The following DENND1A variants were observed in gnomAD, a reference collection of about 807,000 sequenced individuals.
The protein encoded by DENND1A is DENN domain containing 1A.
A neutral mutation model predicts 113.7 loss-of-function variants in DENND1A; 51 were observed. The observed-to-expected ratio is 0.45, with a 90% CI of 0.36 to 0.57. The LOEUF is 0.57. Among genes scored for constraint, DENND1A ranks in the 20% least tolerant of loss-of-function variants. The pLI is 0.00. For synonymous variants in DENND1A, 565 were observed against 570.8 expected (o/e 0.99, Z 0.14); for missense variants, 1,258 against 1,395.9 (o/e 0.90, Z 1.57).
At position 123,457,226 on chromosome 9, in the gene DENND1A, G is replaced by C. The variant is rs1228334755; in HGVS notation, c.1186+122C>G. 9.2e-6 allele frequency: 7 copies of C among 763,686 alleles called. No homozygotes were observed. In the East Asian group the frequency reaches 1.2e-4, roughly 14 times the overall value. The allele number at this position is 763,686 out of a possible 1,614,324, so 47.3% of individuals were successfully genotyped here. A position where few individuals can be genotyped will look rare whatever the true frequency, so the allele number is the denominator to read the frequency against. On this transcript the variant is annotated intron_variant, in intron 15 of 23. Transcript: ENST00000394215. ...AATTCTTCAAACATTTCAAGGCCAA[G>C]CTTGAAAGCAGTCTCTTCCTAAGCC... is the stretch of plus-strand genomic sequence containing the variant.
chr9:123,863,098 T>C (rs1845289125), intron 2 of DENND1A, among the ~76,000 whole-genome samples: 1 of 152,240 alleles, frequency 6.6e-6, no homozygotes, highest in African/African-American at 2.4e-5. Flanking sequence ...GAGACAATTC[T>C]GGCCAATGGC....
intron 3 of DENND1A, among the ~76,000 whole-genome samples, chr9:123,788,400 TGA>T (rs879285449): frequency 6.6e-6 from 1 of 152,164 alleles, no homozygotes; most frequent in Non-Finnish European, 1.5e-5. Flanking sequence ...GGGATTTTGA[TGA>T]GAGTGGTGAC....
intron 13 of DENND1A, among the ~76,000 whole-genome samples, chr9:123,555,522 CT>C (rs1188693679): frequency 2.0e-5 from 3 of 152,212 alleles, no homozygotes; most frequent in African/African-American, 7.2e-5. Flanking sequence ...GGAAGGGATG[CT>C]CCCTTCTTTC....
At chr9:123,629,792 C>T (rs1218120843) in intron 10 of DENND1A, among the ~76,000 whole-genome samples, 1 of 152,210 alleles carries the variant, frequency 6.6e-6, no homozygotes, top group Non-Finnish European at 1.5e-5. Context: ...TGTGCCAGGG[C>T]ATGGCTGAAA....
intron 3 of DENND1A, among the ~76,000 whole-genome samples, chr9:123,774,529 T>C (rs1356314459): frequency 6.6e-6 from 1 of 152,116 alleles, no homozygotes; most frequent in Non-Finnish European, 1.5e-5. Flanking sequence ...CTAAGATCCA[T>C]AGTATAATTA....
intron 3 of DENND1A, among the ~76,000 whole-genome samples, chr9:123,782,683 A>G (rs1831508635): frequency 1.3e-5 from 2 of 152,330 alleles, no homozygotes; most frequent in South Asian, 4.1e-4. Flanking sequence ...TGGCATTTGA[A>G]CTAACTTTTG....
intron 2 of DENND1A, among the ~76,000 whole-genome samples, chr9:123,871,645 C>G (rs1846628649): frequency 6.6e-6 from 1 of 152,134 alleles, no homozygotes; most frequent in African/African-American, 2.4e-5. Flanking sequence ...TGCTGCTTAA[C>G]ACCCACGTAT....
intron 2 of DENND1A, among the ~76,000 whole-genome samples, chr9:123,860,143 C>G (rs755893010): frequency 7.9e-5 from 12 of 152,170 alleles, no homozygotes; most frequent in Non-Finnish European, 1.5e-4. Flanking sequence ...TCATTTTAAT[C>G]TGCAACGTTA....
chr9:123,850,813 A>G (rs1215456828), intron 2 of DENND1A, among the ~76,000 whole-genome samples: 7 of 152,250 alleles, frequency 4.6e-5, no homozygotes, highest in Non-Finnish European at 1.0e-4. Flanking sequence ...ACTAAGTCAT[A>G]GCCACCATTA....
At chr9:123,431,993 G>A (rs1170931703) in intron 19 of DENND1A, among the ~76,000 whole-genome samples, 1 of 152,154 alleles carries the variant, frequency 6.6e-6, no homozygotes, top group African/African-American at 2.4e-5. Context: ...GCAAACTACT[G>A]TTTTGCACCT....
At chr9:123,875,014 A>C (rs1021796680) in intron 2 of DENND1A, among the ~76,000 whole-genome samples, 1 of 152,252 alleles carries the variant, frequency 6.6e-6, no homozygotes, top group African/African-American at 2.4e-5. Context: ...ATGGATAACT[A>C]AATTCTGAAA....
intron 5 of DENND1A, among the ~76,000 whole-genome samples, chr9:123,710,301 T>C (rs2066492300): frequency 6.6e-6 from 1 of 152,244 alleles, no homozygotes; most frequent in African/African-American, 2.4e-5. Context: ...TGTCTTTTTA[T>C]GTCACCAACA....
chr9:123,831,152 C>T (rs1239943912), intron 2 of DENND1A, among the ~76,000 whole-genome samples: 3 of 152,094 alleles, frequency 2.0e-5, no homozygotes, highest in African/African-American at 7.2e-5. Context: ...TATTTCAACA[C>T]ATCCACAAAT....
intron 5 of DENND1A, among the ~76,000 whole-genome samples, chr9:123,748,862 A>C (rs899464728): frequency 6.6e-6 from 1 of 152,176 alleles, no homozygotes; most frequent in Non-Finnish European, 1.5e-5. Context: ...CCTCATGTCG[A>C]ATTCTGAGAT....
At chr9:123,895,872 A>G (rs112032936) in intron 1 of DENND1A, among the ~76,000 whole-genome samples, 1 of 152,180 alleles carries the variant, frequency 6.6e-6, no homozygotes, top group Non-Finnish European at 1.5e-5. Flanking sequence ...GACCAAGGTG[A>G]TGAAGAAAGA....
At chr9:123,669,728 A>T (rs953733250) in intron 7 of DENND1A, among the ~76,000 whole-genome samples, 7 of 152,196 alleles carry the variant, frequency 4.6e-5, no homozygotes, top group African/African-American at 7.2e-5. Flanking sequence ...TACAGCAAGG[A>T]CTGGGGCAGG....
chr9:123,693,286 C>G (rs1291268076), intron 5 of DENND1A, among the ~76,000 whole-genome samples: 1 of 152,140 alleles, frequency 6.6e-6, no homozygotes. Context: ...ATCTGTTTTC[C>G]ACCTGTCCTT....
At chr9:123,630,780 C>T (rs1009248599) in intron 9 of DENND1A, among the ~76,000 whole-genome samples, 2 of 152,188 alleles carry the variant, frequency 1.3e-5, no homozygotes, top group East Asian at 1.9e-4. Flanking sequence ...ATTACACACA[C>T]AAGCACATAT....
chr9:123,579,748 T>C (rs966023024), intron 12 of DENND1A, among the ~76,000 whole-genome samples: 1 of 152,184 alleles, frequency 6.6e-6, no homozygotes, highest in South Asian at 2.1e-4. Context: ...CTATGCCAAA[T>C]GCAGGGGACA....
Sources: gnomAD v4.1 joint callset for allele counts (sites outside exome capture counted in the v4.1 genomes callset) on GRCh38, gnomAD v4.1.1 for gene constraint, MANE v1.5 for transcripts, NCBI Gene and HGNC (gene_info 2026-07-23, HGNC 2026-07-21) for gene names.